Variants in SP3 observed in about 807,000 individuals in gnomAD.
SP3 encodes Sp3 transcription factor, also known as transcription factor Sp3.
In SP3, 10 loss-of-function variants were observed where a neutral mutation model predicts 70.3. That is an observed-to-expected ratio of 0.14 (90% CI 0.09 to 0.24). The LOEUF is 0.24. SP3 is among the 10% of genes least tolerant of loss of function. SP3 has a pLI of 1.00. For synonymous variants in SP3, 402 were observed against 333.5 expected (o/e 1.21, Z -2.24); for missense variants, 825 against 914.6 (o/e 0.90, Z 1.26).
chr2:173,951,067 GA>G (rs1690698304), intron 4 of SP3, among the ~76,000 whole-genome samples: 1 of 152,026 alleles, frequency 6.6e-6, no homozygotes, highest in African/African-American at 2.4e-5. Flanking sequence ...TTTCTATTCT[GA>G]TAACATTTGA....
At chr2:173,952,032 G>C (rs1690722963) in intron 4 of SP3, among the ~76,000 whole-genome samples, 1 of 151,374 alleles carries the variant, frequency 6.6e-6, no homozygotes, top group Non-Finnish European at 1.5e-5. Flanking sequence ...TCACTGGAAA[G>C]CACAAATTTT....
chr2:173,935,920 T>C (rs1026900853), intron 4 of SP3, among the ~76,000 whole-genome samples: 2 of 152,246 alleles, frequency 1.3e-5, no homozygotes, highest in Non-Finnish European at 2.9e-5. Context: ...GTATTCCTGA[T>C]AGCTAATCAC....
intron 3 of SP3, among the ~76,000 whole-genome samples, chr2:173,957,100 C>CA (rs1166270715): frequency 2.6e-5 from 4 of 151,842 alleles, no homozygotes; most frequent in Non-Finnish European, 5.9e-5. Flanking sequence ...ATATGATAAA[C>CA]AAAAAAATCT....
chr2:173,945,472 G>A (rs894090212), intron 4 of SP3, among the ~76,000 whole-genome samples: 2 of 152,038 alleles, frequency 1.3e-5, no homozygotes, highest in African/African-American at 2.4e-5. Context: ...TGTAGTGTGG[G>A]ACAAAAGATT....
intron 4 of SP3, among the ~76,000 whole-genome samples, chr2:173,947,732 A>AT (rs1690586992): frequency 6.6e-6 from 1 of 152,198 alleles, no homozygotes; most frequent in African/African-American, 2.4e-5. Context: ...TCTTTCACAG[A>AT]TTTTGTCTTC....
chr2:173,955,742 G>A lies in SP3; in HGVS notation c.770C>T (p.Pro257Leu). Residue 257 changes from proline (P) to leucine (L), a missense_variant, in exon 4 of 7, where the codon CCT becomes CTT. This residue lies in a region of SP3 where 678 missense variants were observed against 651.6 expected (regional missense o/e 1.04). Coordinates refer to ENST00000310015, the MANE Select transcript of SP3 (RefSeq NM_003111.5). ...PGQTQVVANV[P>L]LGLPGNITFV... ...CGTAATATTTCCTGGCAGACCAAGA[G>A]GCACATTAGCAACTACTTGGGTTTG... 6.2e-7 allele frequency: 1 copy of A among 1,614,172 alleles called. No homozygotes were observed. Among genetic ancestry groups the A allele is most frequent in the Non-Finnish European group, 8.5e-7 (1 of 1,180,042 alleles).
At chr2:173,951,356 G>C (rs545438604) in intron 4 of SP3, among the ~76,000 whole-genome samples, 5 of 152,198 alleles carry the variant, frequency 3.3e-5, no homozygotes, top group African/African-American at 1.2e-4. Context: ...TAGTATATGT[G>C]TATACTGATA....
At chr2:173,964,161 G>A (rs1238450671) in intron 2 of SP3, 2 of 392,062 alleles carry the variant, frequency 5.1e-6, no homozygotes, top group East Asian at 3.9e-5. Flanking sequence ...ACCCACCCCC[G>A]GGAGGGCACG....
intron 5 of SP3, chr2:173,915,887 TAAAC>T (rs1043458929): frequency 1.3e-5 from 2 of 152,056 alleles, no homozygotes; most frequent in African/African-American, 4.8e-5. Flanking sequence ...CTTTAAAAGG[TAAAC>T]AAATAAAATT....
At chr2:173,911,192 T>C (rs1386612577) in intron 6 of SP3, among the ~76,000 whole-genome samples, 1 of 152,170 alleles carries the variant, frequency 6.6e-6, no homozygotes, top group African/African-American at 2.4e-5. Flanking sequence ...AAAGACCAAA[T>C]TTTATTACAT....
In SP3 at chr2:173,902,057, T is replaced by C. The variant is rs1042123482; in HGVS notation, c.*7884A>G. Among the ~76,000 whole-genome samples the C allele has an allele frequency of 6.6e-6, 1 of 152,158 alleles. No individual in the cohort carries two copies. Among genetic ancestry groups the C allele is most frequent in the African/African-American group, 2.4e-5 (1 of 41,424 alleles). The stretch of plus-strand genomic sequence containing the variant: ...TGAGAAGACCCCTACAGTGAGAGAC[T>C]ATGAGGACTACCACACCTGGGCAGG... On this transcript the variant is annotated 3_prime_UTR_variant, in exon 7 of 7. Transcript: ENST00000310015.
upstream of SP3, chr2:173,965,460 T>G: frequency 2.5e-5 from 9 of 366,586 alleles, no homozygotes; most frequent in Non-Finnish European, 3.0e-5. Flanking sequence ...CAGGCGCCTG[T>G]CCGTCGGTCT....
rs1330242752 is a variant in SP3, at chr2:173,905,244, G to A, written c.*4697C>T. On this transcript the variant is annotated 3_prime_UTR_variant, in exon 7 of 7. Coordinates refer to ENST00000310015, the MANE Select transcript of SP3 (RefSeq NM_003111.5). ...CTAAAACACTTCACTACAGAAAAATGGAATCTCCAGAGTTAAGGGGGGAGG... is the reference window on the plus strand; with the variant it reads ...CTAAAACACTTCACTACAGAAAAATAGAATCTCCAGAGTTAAGGGGGGAGG... Among the ~76,000 whole-genome samples the A allele has an allele frequency of 6.6e-6, 1 of 152,192 alleles. No individual in the cohort carries two copies. The highest frequency in any genetic ancestry group is 1.5e-5 in the Non-Finnish European group (1 of 68,038).
chr2:173,922,266 AAAG>A (rs1359741957), intron 4 of SP3, among the ~76,000 whole-genome samples: 1 of 151,820 alleles, frequency 6.6e-6, no homozygotes, highest in African/African-American at 2.4e-5. Context: ...GCAAGAACAG[AAAG>A]AAGTTAAAAA....
chr2:173,964,886 A>T (rs1372834850), intron 1 of SP3: 1 of 495,018 alleles, frequency 2.0e-6, no homozygotes, highest in Non-Finnish European at 3.5e-6. Flanking sequence ...AGTCACTCAC[A>T]CACGCCCGCC....
Position 173,918,716 on chromosome 2 carries a change from G to C in SP3, c.1709C>G (p.Thr570Ser). The C allele has an allele frequency of 6.2e-7, 1 of 1,613,314 alleles. No individual in the cohort carries two copies. Among genetic ancestry groups the C allele is most frequent in the Non-Finnish European group, 8.5e-7 (1 of 1,179,620 alleles). Residue 570 changes from threonine (T) to serine (S), a missense_variant, in exon 5 of 7, where the codon ACC becomes AGC. Thr to Ser is a moderately conservative substitution (Grantham distance 58). Coordinates refer to ENST00000310015, the MANE Select transcript of SP3 (RefSeq NM_003111.5). ...TACTCTTAAGTGTGTTAGGTCATTGGTATTCAAGGTAGAATCACCACTGAG... is the reference window on the plus strand; with the variant it reads ...TACTCTTAAGTGTGTTAGGTCATTGCTATTCAAGGTAGAATCACCACTGAG... ...WQLSGDSTLN[T>S]NDLTHLRVQV...
At position 173,964,887 on chromosome 2, in the gene SP3, C is replaced by G. The variant is rs1046484370; in HGVS notation, c.7+278G>C. On this transcript the variant is annotated intron_variant, in intron 1 of 6. Transcript: ENST00000310015. Reference sequence around the variant, plus strand: ...CCTCTCGCACCGTCAGTCACTCACACACGCCCGCCCGCGCCCGCACACAGG... The same window carrying G: ...CCTCTCGCACCGTCAGTCACTCACAGACGCCCGCCCGCGCCCGCACACAGG... 3.9e-5 allele frequency: 20 copies of G among 507,874 alleles called. No homozygotes were observed. In the South Asian group the frequency reaches 5.0e-4, roughly 13 times the overall value. 31.5% of individuals were successfully genotyped at this position (507,874 alleles called of 1,614,324 possible).
chr2:173,964,773 C>CCCT (rs961722041), intron 1 of SP3: 79 of 432,696 alleles, frequency 1.8e-4, no homozygotes, highest in Middle Eastern at 6.0e-4. Flanking sequence ...CCTCCTCTTT[C>CCCT]CCTCCTCCTC....
chr2:173,959,808 T>C (rs1391345728), intron 3 of SP3, among the ~76,000 whole-genome samples: 1 of 152,170 alleles, frequency 6.6e-6, no homozygotes, highest in Non-Finnish European at 1.5e-5. Flanking sequence ...AGACGAGAAC[T>C]AGTATTTGGT....
Sources: gnomAD v4.1 joint callset for allele counts (sites outside exome capture counted in the v4.1 genomes callset) on GRCh38, gnomAD v4.1.1 for gene constraint, gnomAD v4.1.1 regional missense constraint, MANE v1.5 for transcripts, NCBI Gene and HGNC (gene_info 2026-07-23, HGNC 2026-07-21) for gene names.